The following HLF variants were observed in gnomAD, a reference collection of about 807,000 sequenced individuals.
The protein encoded by HLF is hepatic leukemia factor.
Under a neutral mutation model 22.6 loss-of-function variants are expected in HLF, and 3 were observed. The ratio of observed to expected loss-of-function variants is 0.13; its 90% confidence interval spans 0.06 to 0.34. The LOEUF (loss-of-function observed/expected upper bound fraction) is 0.34, where lower values mean the gene tolerates loss of function less well. HLF is among the 10% of genes least tolerant of loss of function. The pLI, the probability that HLF is intolerant of heterozygous loss-of-function variation, is 1.00. For missense variants in HLF, 299 were observed against 389.2 expected (o/e 0.77, Z 1.95); for synonymous variants, 151 against 151.8 (o/e 0.99, Z 0.04).
At chr17:55,286,870 A>G (rs1044481275) in intron 2 of HLF, among the ~76,000 whole-genome samples, 1 of 152,138 alleles carries the variant, frequency 6.6e-6, no homozygotes, top group African/African-American at 2.4e-5. Context: ...TCCTTCCATG[A>G]TGGAAGGCCT....
intron 2 of HLF, among the ~76,000 whole-genome samples, chr17:55,287,170 A>G (rs1256372303): frequency 1.3e-5 from 2 of 152,254 alleles, no homozygotes; most frequent in Non-Finnish European, 2.9e-5. Flanking sequence ...GTTATTGAAA[A>G]GGTGAAGTCA....
intron 2 of HLF, among the ~76,000 whole-genome samples, chr17:55,278,589 A>T (rs200559454): frequency 3.3e-5 from 5 of 152,208 alleles, no homozygotes; most frequent in African/African-American, 1.2e-4. Flanking sequence ...GACCAATGGG[A>T]ATCAATGCAG....
chr17:55,267,698 T>C, intron 1 of HLF, 53 bp from the exon 2 acceptor site: 1 of 1,267,420 alleles, frequency 7.9e-7, no homozygotes, highest in Non-Finnish European at 1.1e-6. Flanking sequence ...AAGAGCGGTA[T>C]TGTTTTTCTT....
At chr17:55,265,637 C>T (rs1334191864) in intron 1 of HLF, 38 bp downstream of exon 1, 4 of 1,426,908 alleles carry the variant, frequency 2.8e-6, no homozygotes, top group Non-Finnish European at 3.9e-6. Context: ...GAAGGGACGA[C>T]GCTCCGGGGG....
chr17:55,277,722 T>G (rs1004870335), intron 2 of HLF, among the ~76,000 whole-genome samples: 4 of 152,170 alleles, frequency 2.6e-5, no homozygotes, highest in Non-Finnish European at 5.9e-5. Flanking sequence ...TTCAGAAGGC[T>G]GAAAGAGTTG....
rs767704148 is a variant in HLF, at chr17:55,267,766, A to C, written c.131A>C (p.Lys44Thr). Reference sequence around the variant, plus strand: ...TCTTCTGCAGCATTTAGTAAAGATAAAGACAAGGAAAAGAAGCTGGATGAT... The same window carrying C: ...TCTTCTGCAGCATTTAGTAAAGATACAGACAAGGAAAAGAAGCTGGATGAT... ...LHHEDAFSKDKDKEKKLDDES... is the reference protein window; with the variant it reads ...LHHEDAFSKDTDKEKKLDDES... The change falls in exon 2 of 4, where the codon AAA (lysine) becomes ACA (threonine). Residue 44 changes from lysine (K) to threonine (T), a missense_variant. Around this residue, in one of 3 missense-constraint regions of HLF, gnomAD observed 72 missense variants for 74.0 expected, o/e 0.97. Transcript: ENST00000226067. 5 of 1,582,880 alleles carry C rather than the reference A, an allele frequency of 3.2e-6. No homozygotes were observed. Among genetic ancestry groups the C allele is most frequent in the Non-Finnish European group, 4.3e-6 (5 of 1,158,990 alleles).
chr17:55,268,630 T>C (rs2080820111), intron 2 of HLF, among the ~76,000 whole-genome samples: 1 of 152,196 alleles, frequency 6.6e-6, no homozygotes, highest in Admixed American at 6.5e-5. Flanking sequence ...TGTCATTAGC[T>C]GAGAAGTAGA....
chr17:55,277,448 G>C (rs965172399), intron 2 of HLF, among the ~76,000 whole-genome samples: 2 of 151,724 alleles, frequency 1.3e-5, no homozygotes, highest in Non-Finnish European at 2.9e-5. Flanking sequence ...TTTACTCCTG[G>C]GAAACAAAGG....
chr17:55,265,977 C>A, intron 1 of HLF: 2 of 424,464 alleles, frequency 4.7e-6, no homozygotes, highest in African/African-American at 2.1e-5. Context: ...GAGGAGAAAC[C>A]CTGGGGCCTG....
intron 2 of HLF, among the ~76,000 whole-genome samples, chr17:55,270,816 G>C (rs1392252707): frequency 6.6e-6 from 1 of 152,108 alleles, no homozygotes; most frequent in Non-Finnish European, 1.5e-5. Flanking sequence ...GCTAATTTTT[G>C]TATTTTTAGT....
intron 2 of HLF, among the ~76,000 whole-genome samples, chr17:55,288,273 G>A (rs1016434698): frequency 2.2e-4 from 33 of 151,706 alleles, no homozygotes; most frequent in Non-Finnish European, 3.8e-4. Flanking sequence ...TCAGCCTCCC[G>A]AGTAGCTGGG....
rs1198469389 is a variant in HLF, at chr17:55,321,550, A to C, written c.*671A>C. 4.4e-6 allele frequency: 1 copy of C among 228,826 alleles called. No individual in the cohort carries two copies. The highest frequency in any genetic ancestry group is 8.7e-6 in the Non-Finnish European group (1 of 115,100). The allele number at this position is 228,826 out of a possible 1,614,324, so 14.2% of individuals were successfully genotyped here. ...TTAATTCTACCAACCCCAGATAAGTAAGAGTACTATTAATAGAACACAGAG... is the reference window on the plus strand; with the variant it reads ...TTAATTCTACCAACCCCAGATAAGTCAGAGTACTATTAATAGAACACAGAG... On this transcript the variant is annotated 3_prime_UTR_variant, in exon 4 of 4. Transcript: ENST00000226067.
chr17:55,298,324 T>C (rs181906050), intron 2 of HLF, among the ~76,000 whole-genome samples: 2 of 152,304 alleles, frequency 1.3e-5, no homozygotes, highest in Admixed American at 6.5e-5. Flanking sequence ...TTCCTTCTTA[T>C]ATAGGTCCTG....
At chr17:55,308,821 C>T (rs930910457) in intron 2 of HLF, among the ~76,000 whole-genome samples, 1 of 152,196 alleles carries the variant, frequency 6.6e-6, no homozygotes, top group African/African-American at 2.4e-5. Context: ...ATTGTTCACT[C>T]ATCTGTAATT....
chr17:55,272,604 C>A (rs936806049), intron 2 of HLF: 3 of 152,218 alleles, frequency 2.0e-5, no homozygotes, highest in East Asian at 3.8e-4. Context: ...GGGGGAGAAC[C>A]CATTGTACCT....
rs557771024 is a variant in HLF at position 55,265,088 on chromosome 17, C to G, written c.-397C>G. On this transcript the variant is annotated 5_prime_UTR_variant, in exon 1 of 4. Transcript: ENST00000226067. The stretch of plus-strand genomic sequence containing the variant: ...GTGGGGTGGGACGGCGCACCGCCTC[C>G]GGTGCTGGCACTAGGGGCTGGGGTC... The G allele has an allele frequency of 4.8e-4, 91 of 189,416 alleles. 2 individuals carry two copies. The South Asian group carries it at 0.017, about 35-fold the overall frequency. The allele number at this position is 189,416 out of a possible 1,614,324, so 11.7% of individuals were successfully genotyped here.
chr17:55,281,636 T>C (rs972186456), intron 2 of HLF, among the ~76,000 whole-genome samples: 3 of 152,244 alleles, frequency 2.0e-5, no homozygotes, highest in Non-Finnish European at 4.4e-5. Flanking sequence ...ATAGCCATTA[T>C]GTGTTAAAAC....
chr17:55,312,249 TC>T (rs1453055580), intron 2 of HLF, among the ~76,000 whole-genome samples: 2 of 152,242 alleles, frequency 1.3e-5, no homozygotes, highest in African/African-American at 4.8e-5. Context: ...CAAACTGCTT[TC>T]CACAGGGGCT....
At position 55,265,559 on chromosome 17, in the gene HLF, G is replaced by A. The variant is rs140492413; in HGVS notation, c.75G>A (p.Leu25=). Residue 25 remains leucine, a synonymous_variant, in exon 1 of 4, where the codon CTG becomes CTA. Coordinates refer to ENST00000226067, the MANE Select transcript of HLF (RefSeq NM_002126.5). ...IPPPYGVLRS[L]LENPLKLPLH... is the part of the protein sequence containing the mutation. ...CTCCCTACGGCGTGCTCAGGTCCCT[G>A]CTGGAGAACCCGCTGAAGCTCCCCC... 10,848 of 1,608,052 alleles carry A rather than the reference G, an allele frequency of 6.7e-3. 55 individuals carry two copies. Among genetic ancestry groups the A allele is most frequent in the Middle Eastern group, 0.011 (67 of 6,044 alleles).
Sources: gnomAD v4.1 joint callset for allele counts (sites outside exome capture counted in the v4.1 genomes callset) on GRCh38, gnomAD v4.1.1 for gene constraint, gnomAD v4.1.1 regional missense constraint, MANE v1.5 for transcripts, NCBI Gene and HGNC (gene_info 2026-07-23, HGNC 2026-07-21) for gene names.